The following TULP3 variants were observed in gnomAD, a reference collection of about 807,000 sequenced individuals.
The protein encoded by TULP3 is TUB like protein 3.
TULP3 carries 38 observed loss-of-function variants against 50.7 expected under a neutral mutation model. The ratio of observed to expected loss-of-function variants is 0.75; its 90% CI spans 0.58 to 0.98. The LOEUF is 0.98. Among genes scored for constraint, TULP3 ranks in the 50% least tolerant of loss-of-function variants. TULP3 has a pLI of 0.00. For synonymous variants in TULP3, 183 were observed against 196.6 expected, an observed-to-expected ratio of 0.93 and a Z score of 0.58; for missense variants, 550 against 568.0, an observed-to-expected ratio of 0.97 and a Z score of 0.32.
chr12:2,894,537 A>AC (rs2098174270), intron 1 of TULP3, among the ~76,000 whole-genome samples: 2 of 39,914 alleles, frequency 5.0e-5, no homozygotes, highest in African/African-American at 1.4e-4. Flanking sequence ...TCCGTCTCAA[A>AC]AACACACACA....
At chr12:2,907,516 T>G (rs1240770988) in intron 1 of TULP3, among the ~76,000 whole-genome samples, 2 of 145,268 alleles carry the variant, frequency 1.4e-5, no homozygotes, top group African/African-American at 5.1e-5. Flanking sequence ...GGCATGATGG[T>G]GCATGCCTGT....
At chr12:2,933,780 C>T (rs998250295) in intron 7 of TULP3, among the ~76,000 whole-genome samples, 4 of 151,910 alleles carry the variant, frequency 2.6e-5, no homozygotes, top group African/African-American at 9.7e-5. Flanking sequence ...GCAGAACTCC[C>T]TCTCTACTAA....
At chr12:2,906,990 C>G (rs2098182682) in intron 1 of TULP3, among the ~76,000 whole-genome samples, 1 of 151,892 alleles carries the variant, frequency 6.6e-6, no homozygotes, top group Admixed American at 6.6e-5. Flanking sequence ...ACTTTTTTCT[C>G]CAAGTTTTCC....
At chr12:2,895,194 C>A (rs1266281909) in intron 1 of TULP3, among the ~76,000 whole-genome samples, 1 of 152,202 alleles carries the variant, frequency 6.6e-6, no homozygotes, top group Non-Finnish European at 1.5e-5. Context: ...CTGCAGCATT[C>A]TTTGGGGCTA....
rs1367924187 is a variant in TULP3, at chr12:2,940,887, C to A, written c.*1443C>A. The A allele has an allele frequency of 1.7e-5, 11 of 638,478 alleles. 1 individual carries two copies. Among genetic ancestry groups the A allele is most frequent in the Middle Eastern group, 2.8e-4 (1 of 3,608 alleles). The allele number at this position is 638,478 out of a possible 1,614,324, so 39.6% of individuals were successfully genotyped here. On this transcript the variant is annotated 3_prime_UTR_variant, in exon 11 of 11. Coordinates refer to ENST00000448120, the MANE Select transcript of TULP3 (RefSeq NM_003324.5). ...GCCTCACACCTCGTCACCACCACCA[C>A]CCCCCACCCCATCCTGAGGCACTGC...
chr12:2,922,855 AT>A (rs373807687), intron 4 of TULP3, among the ~76,000 whole-genome samples: 1,381 of 136,740 alleles, frequency 0.01, 16 homozygotes, highest in African/African-American at 0.026. Context: ...TAGAAAAATA[AT>A]TTTTTTTTTT....
chr12:2,924,256 T>A (rs959290821), intron 4 of TULP3, among the ~76,000 whole-genome samples: 2 of 152,074 alleles, frequency 1.3e-5, no homozygotes, highest in Admixed American at 6.6e-5. Context: ...CAGTTCAGAA[T>A]GGCAGCAGCT....
At chr12:2,898,432 G>A (rs564123871) in intron 1 of TULP3, among the ~76,000 whole-genome samples, 3 of 152,098 alleles carry the variant, frequency 2.0e-5, no homozygotes, top group South Asian at 4.2e-4. Flanking sequence ...CCCTAGCAGC[G>A]GGGACTATAG....
chr12:2,902,507 C>T (rs7957524), intron 1 of TULP3, among the ~76,000 whole-genome samples: 72,536 of 151,950 alleles, frequency 0.48, 17,786 homozygotes, highest in African/African-American at 0.6. Context: ...TTATCTGGCA[C>T]AGTGTAGGAA....
chr12:2,899,332 C>T (rs1052102875), intron 1 of TULP3, among the ~76,000 whole-genome samples: 5 of 108,434 alleles, frequency 4.6e-5, no homozygotes, highest in Non-Finnish European at 5.1e-5. Context: ...GCAACAAGAG[C>T]GAAACGACGT....
intron 4 of TULP3, among the ~76,000 whole-genome samples, chr12:2,926,577 T>C (rs2098194807): frequency 6.6e-6 from 1 of 152,188 alleles, no homozygotes. Context: ...TTTTGAGATA[T>C]AAATTACAGA....
intron 1 of TULP3, among the ~76,000 whole-genome samples, chr12:2,898,520 C>T (rs2098176906): frequency 1.3e-5 from 2 of 152,148 alleles, no homozygotes; most frequent in African/African-American, 4.8e-5. Context: ...GTGGGCCATA[C>T]AGTCTCTGTC....
At chr12:2,911,636 A>T (rs1204301859) in intron 2 of TULP3, among the ~76,000 whole-genome samples, 1 of 120,438 alleles carries the variant, frequency 8.3e-6, no homozygotes, top group Non-Finnish European at 1.6e-5. Context: ...AAGTGCTGGG[A>T]TTACAGGCGT....
At chr12:2,908,255 T>C (rs573617230) in intron 1 of TULP3, among the ~76,000 whole-genome samples, 1 of 152,318 alleles carries the variant, frequency 6.6e-6, no homozygotes, top group Non-Finnish European at 1.5e-5. Flanking sequence ...AAATAGCACC[T>C]TGTAGTTCCA....
chr12:2,891,219 T>G (rs1165459050), intron 1 of TULP3, among the ~76,000 whole-genome samples: 1 of 151,994 alleles, frequency 6.6e-6, no homozygotes, highest in Non-Finnish European at 1.5e-5. Context: ...GCAGAGACCT[T>G]TGGTTCAGGT....
At chr12:2,910,507 T>C (rs1270200520) in intron 2 of TULP3, among the ~76,000 whole-genome samples, 1 of 152,220 alleles carries the variant, frequency 6.6e-6, no homozygotes, top group Non-Finnish European at 1.5e-5. Flanking sequence ...TTACATGCTG[T>C]GATCATCATA....
intron 1 of TULP3, among the ~76,000 whole-genome samples, chr12:2,903,994 G>A (rs1166233490): frequency 2.0e-5 from 3 of 152,020 alleles, no homozygotes; most frequent in Non-Finnish European, 4.4e-5. Context: ...GTGTTGGCCG[G>A]GGTGGTCTTG....
Position 2,920,799 on chromosome 12 carries a change from C to A in TULP3, c.130C>A (p.Leu44Ile), listed in dbSNP as rs776803884. 19 of 1,614,140 alleles carry A rather than the reference C, an allele frequency of 1.2e-5. No homozygotes were observed. Among genetic ancestry groups the A allele is most frequent in the Non-Finnish European group, 1.5e-5 (18 of 1,180,030 alleles). Reference sequence around the variant, plus strand: ...TGAGAAGAGGCAAAGGAAAAAGCGCCTTGAGCCATTTATGGTGCAGCCCAA... The same window carrying A: ...TGAGAAGAGGCAAAGGAAAAAGCGCATTGAGCCATTTATGGTGCAGCCCAA... Reference protein sequence around the residue: ...LLEKRQRKKRLEPFMVQPNPE... With the variant: ...LLEKRQRKKRIEPFMVQPNPE... Residue 44 changes from leucine (L) to isoleucine (I), a missense_variant, in exon 3 of 11, where the codon CTT becomes ATT. Physicochemically the swap from Leu to Ile is conservative, Grantham distance 5. Transcript: ENST00000448120.
intron 4 of TULP3, among the ~76,000 whole-genome samples, chr12:2,924,109 T>C (rs2098193348): frequency 6.6e-6 from 1 of 152,206 alleles, no homozygotes; most frequent in Non-Finnish European, 1.5e-5. Flanking sequence ...CTTATTCTAA[T>C]TGAAGCTTCA....
Sources: gnomAD v4.1 joint callset for allele counts (sites outside exome capture counted in the v4.1 genomes callset) on GRCh38, gnomAD v4.1.1 for gene constraint, MANE v1.5 for transcripts, NCBI Gene and HGNC (gene_info 2026-07-23, HGNC 2026-07-21) for gene names.